NOL4: variants seen among roughly 807,000 people sequenced by gnomAD.
NOL4 encodes cancer/testis antigen 125.
Under a neutral mutation model 75.9 loss-of-function variants are expected in NOL4, and 17 were observed. The ratio of observed to expected loss-of-function variants is 0.22; its 90% CI spans 0.15 to 0.34. The LOEUF is 0.34. Ranked by LOEUF, NOL4 falls within the 10% of genes least tolerant of loss-of-function variation. The probability of loss-of-function intolerance (pLI) is 1.00; values close to 1 mark genes in which losing one functional copy is unlikely to be tolerated. For missense variants in NOL4, 614 were observed against 793.5 expected (o/e 0.77, Z 2.72); for synonymous variants, 292 against 289.9 (o/e 1.01, Z -0.07).
intron 2 of NOL4, among the ~76,000 whole-genome samples, chr18:34,107,765 T>C (rs576553566): frequency 5.1e-4 from 77 of 150,892 alleles, no homozygotes; most frequent in African/African-American, 1.7e-3. Flanking sequence ...TTTTCAGGAG[T>C]CACCAAGATG....
At chr18:34,087,921 C>A (rs963659841) in intron 5 of NOL4, among the ~76,000 whole-genome samples, 1 of 151,778 alleles carries the variant, frequency 6.6e-6, no homozygotes, top group African/African-American at 2.4e-5. Flanking sequence ...TTCTTAATAG[C>A]TTTTATAGCT....
At chr18:33,878,738 TG>T (rs1351729370) in intron 10 of NOL4, among the ~76,000 whole-genome samples, 1 of 152,122 alleles carries the variant, frequency 6.6e-6, no homozygotes, top group Non-Finnish European at 1.5e-5. Flanking sequence ...AGATATATTT[TG>T]TGTTTTTTAA....
intron 1 of NOL4, among the ~76,000 whole-genome samples, chr18:34,151,858 T>C (rs754824895): frequency 4.0e-5 from 6 of 151,730 alleles, no homozygotes; most frequent in Non-Finnish European, 5.9e-5. Context: ...CTGAAGTCTA[T>C]TTAAAATGAG....
intron 9 of NOL4, among the ~76,000 whole-genome samples, chr18:33,942,303 A>G (rs1039187179): frequency 6.6e-6 from 1 of 151,904 alleles, no homozygotes; most frequent in Non-Finnish European, 1.5e-5. Context: ...AATATTTAGT[A>G]TATCATGTGA....
intron 9 of NOL4, among the ~76,000 whole-genome samples, chr18:33,915,873 A>T (rs867669493): frequency 1.7e-4 from 26 of 152,268 alleles, no homozygotes; most frequent in African/African-American, 6.3e-4. Flanking sequence ...ACTCTGAGTC[A>T]CGCACTAGGT....
chr18:34,178,632 G>T (rs773794746), intron 1 of NOL4, among the ~76,000 whole-genome samples: 9 of 151,624 alleles, frequency 5.9e-5, no homozygotes, highest in Non-Finnish European at 1.0e-4. Flanking sequence ...TCATGATAAA[G>T]TTGTCAAGCC....
intron 1 of NOL4, among the ~76,000 whole-genome samples, chr18:34,147,881 C>T (rs2081472714): frequency 6.6e-6 from 1 of 152,040 alleles, no homozygotes; most frequent in African/African-American, 2.4e-5. Flanking sequence ...TAATTACTGC[C>T]TCAATTTCAG....
At chr18:34,026,157 T>C (rs561635009) in intron 5 of NOL4, among the ~76,000 whole-genome samples, 1 of 152,290 alleles carries the variant, frequency 6.6e-6, no homozygotes, top group South Asian at 2.1e-4. Context: ...TCTCCTTCTA[T>C]TGCAAATTTT....
intron 9 of NOL4, among the ~76,000 whole-genome samples, chr18:33,889,081 G>T (rs965507909): frequency 1.3e-5 from 2 of 152,104 alleles, no homozygotes; most frequent in Admixed American, 6.6e-5. Flanking sequence ...CAAACCAGCA[G>T]CTGGTTTTTT....
chr18:33,966,110 A>T (rs1364769606), intron 6 of NOL4, among the ~76,000 whole-genome samples: 1 of 152,146 alleles, frequency 6.6e-6, no homozygotes, highest in Non-Finnish European at 1.5e-5. Context: ...GCACTACTTC[A>T]TGTTTAGAGC....
At chr18:33,913,766 C>T (rs2066545282) in intron 9 of NOL4, among the ~76,000 whole-genome samples, 1 of 152,068 alleles carries the variant, frequency 6.6e-6, no homozygotes, top group Non-Finnish European at 1.5e-5. Flanking sequence ...CTGAGCAAGT[C>T]AAAGGCTCCT....
chr18:33,927,958 T>C (rs1361312365), intron 9 of NOL4, among the ~76,000 whole-genome samples: 4 of 152,172 alleles, frequency 2.6e-5, no homozygotes, highest in African/African-American at 7.2e-5. Context: ...ATAATGAATT[T>C]GTGACTCTAG....
intron 1 of NOL4, among the ~76,000 whole-genome samples, chr18:34,213,848 G>C (rs1333645743): frequency 6.6e-6 from 1 of 152,058 alleles, no homozygotes; most frequent in African/African-American, 2.4e-5. Flanking sequence ...GTATAATTAA[G>C]AAAAAATGGG....
chr18:34,068,152 G>T (rs557286484), intron 5 of NOL4, among the ~76,000 whole-genome samples: 17 of 152,290 alleles, frequency 1.1e-4, no homozygotes, highest in Non-Finnish European at 2.5e-4. Context: ...TAATGTGCAT[G>T]AATAATGGAG....
At chr18:34,052,506 T>C (rs931183733) in intron 5 of NOL4, among the ~76,000 whole-genome samples, 1 of 152,062 alleles carries the variant, frequency 6.6e-6, no homozygotes, top group African/African-American at 2.4e-5. Flanking sequence ...GAAAACAAAC[T>C]TTGGAGTATC....
At chr18:34,117,202 C>T (rs2145803506) in intron 2 of NOL4, among the ~76,000 whole-genome samples, 1 of 152,234 alleles carries the variant, frequency 6.6e-6, no homozygotes, top group South Asian at 2.1e-4. Context: ...GAATAGATTA[C>T]CATGATCACT....
At chr18:34,046,618 A>ATATATATATATATATG (rs2076384700) in intron 5 of NOL4, among the ~76,000 whole-genome samples, 1 of 114,416 alleles carries the variant, frequency 8.7e-6, no homozygotes. Flanking sequence ...ATATATATAT[A>ATATATATATATATATG]TATATATATA....
chr18:34,157,612 T>C lies in NOL4; in HGVS notation c.265-27592A>G, dbSNP rs145244222. 3.2e-3 allele frequency among the ~76,000 whole-genome samples: 477 copies of C among 149,520 alleles called. 4 individuals are homozygous for C. The highest frequency in any genetic ancestry group is 0.011 in the African/African-American group (457 of 40,536). On this transcript the variant is annotated intron_variant, in intron 1 of 10. Transcript: ENST00000261592. Reference sequence around the variant, plus strand: ...GTGGATGAAAAGGCCCAGGAAAATATGCAGAATGAAAAAAAAAAGCAGATC... The same window carrying C: ...GTGGATGAAAAGGCCCAGGAAAATACGCAGAATGAAAAAAAAAAGCAGATC...
intron 5 of NOL4, among the ~76,000 whole-genome samples, chr18:34,071,391 G>C (rs1026547692): frequency 2.0e-5 from 3 of 151,752 alleles, no homozygotes; most frequent in African/African-American, 7.3e-5. Flanking sequence ...TTAAAAGGCA[G>C]AGATTGTCAG....
Sources: gnomAD v4.1 joint callset for allele counts (sites outside exome capture counted in the v4.1 genomes callset) on GRCh38, gnomAD v4.1.1 for gene constraint, MANE v1.5 for transcripts, NCBI Gene and HGNC (gene_info 2026-07-23, HGNC 2026-07-21) for gene names.